LARGE1: variants seen among roughly 807,000 people sequenced by gnomAD.
LARGE1 encodes the protein LARGE xylosyl- and glucuronyltransferase 1.
LARGE1 carries 43 observed loss-of-function variants against 87.6 expected under a neutral mutation model. The observed-to-expected ratio is 0.49, with a 90% CI of 0.38 to 0.63. LARGE1 has a LOEUF of 0.63. Among genes scored for constraint, LARGE1 ranks in the 30% least tolerant of loss-of-function variants. The probability of loss-of-function intolerance (pLI) is 0.00; values close to 1 mark genes in which losing one functional copy is unlikely to be tolerated. For synonymous variants in LARGE1, 434 were observed against 394.6 expected (o/e 1.10, Z -1.18); for missense variants, 802 against 1,000.2 (o/e 0.80, Z 2.67).
intron 7 of LARGE1, among the ~76,000 whole-genome samples, chr22:33,421,145 C>T (rs977046321): frequency 3.9e-5 from 6 of 152,108 alleles, no homozygotes; most frequent in East Asian, 3.9e-4. Context: ...GCAGAGATCA[C>T]GCCACTGCAC....
chr22:33,257,561 A>T (rs1213339962), intron 11 of LARGE1, among the ~76,000 whole-genome samples: 1 of 152,140 alleles, frequency 6.6e-6, no homozygotes, highest in Admixed American at 6.5e-5. Context: ...GAGGAAGTAG[A>T]CCTCCCTAGG....
chr22:33,410,720 C>T (rs1480522203), intron 7 of LARGE1, among the ~76,000 whole-genome samples: 1 of 151,942 alleles, frequency 6.6e-6, no homozygotes, highest in African/African-American at 2.4e-5. Context: ...GCTCTACCAA[C>T]CACTCTCAAG....
At chr22:33,919,413 T>C (rs918813500) in intron 1 of LARGE1, among the ~76,000 whole-genome samples, 1 of 152,210 alleles carries the variant, frequency 6.6e-6, no homozygotes, top group Non-Finnish European at 1.5e-5. Flanking sequence ...AGCTATACAC[T>C]GATCACTCCT....
At position 33,583,984 on chromosome 22, in the gene LARGE1, C is replaced by A. The variant is rs182415349; in HGVS notation, c.616-18965G>T. Among the ~76,000 whole-genome samples the A allele has an allele frequency of 5.4e-3, 825 of 152,316 alleles. 10 individuals carry two copies. The highest frequency in any genetic ancestry group is 6.8e-3 in the Middle Eastern group (2 of 294). On this transcript the variant is annotated intron_variant, in intron 5 of 14. Coordinates refer to ENST00000397394, the MANE Select transcript of LARGE1 (RefSeq NM_133642.5). The stretch of plus-strand genomic sequence containing the variant: ...TTGGCCCAACTTTCCCCGCTGTGGG[C>A]ATCCTGACCAGTCCTGGATGTTAGT...
the LARGE1 span, among the ~76,000 whole-genome samples, chr22:33,131,696 A>G: frequency 6.6e-5 from 10 of 152,164 alleles, no homozygotes. Flanking sequence ...ACCCACCCCC[A>G]AGATTCAATT....
downstream of LARGE1, among the ~76,000 whole-genome samples, chr22:33,158,927 A>T (rs1921943192): frequency 1.3e-5 from 2 of 152,246 alleles, no homozygotes; most frequent in Admixed American, 1.3e-4. Context: ...AAACTGTGAC[A>T]TTCAAAAAGC....
intron 7 of LARGE1, among the ~76,000 whole-genome samples, chr22:33,395,404 C>T (rs2065705071): frequency 6.6e-6 from 1 of 152,146 alleles, no homozygotes; most frequent in Non-Finnish European, 1.5e-5. Context: ...CTTATGTCAA[C>T]TTTCCCTCCT....
At chr22:33,390,929 T>A (rs2065495842) in intron 7 of LARGE1, among the ~76,000 whole-genome samples, 1 of 152,152 alleles carries the variant, frequency 6.6e-6, no homozygotes, top group African/African-American at 2.4e-5. Context: ...ATTCCTGAAC[T>A]CAAGTGATCC....
chr22:33,295,276 G>A (rs1365550539), intron 12 of LARGE1, among the ~76,000 whole-genome samples: 1 of 152,194 alleles, frequency 6.6e-6, no homozygotes, highest in Admixed American at 6.5e-5. Context: ...AGCTAGTGAT[G>A]TGTGATGAGA....
intron 6 of LARGE1, among the ~76,000 whole-genome samples, chr22:33,460,317 C>A (rs1474913505): frequency 6.6e-6 from 1 of 152,104 alleles, no homozygotes; most frequent in African/African-American, 2.4e-5. Flanking sequence ...CATATAGGTA[C>A]CTGGTACCCA....
intron 1 of LARGE1, chr22:33,856,849 T>C (rs1423183224): frequency 6.6e-6 from 1 of 152,234 alleles, no homozygotes; most frequent in Non-Finnish European, 1.5e-5. Flanking sequence ...CAGATGAACC[T>C]GTCTGTCATT....
At chr22:33,426,003 C>T (rs571481628) in intron 7 of LARGE1, among the ~76,000 whole-genome samples, 1 of 152,262 alleles carries the variant, frequency 6.6e-6, no homozygotes, top group Non-Finnish European at 1.5e-5. Context: ...GCTTCGGCCT[C>T]CTAAAGTGCT....
downstream of LARGE1, among the ~76,000 whole-genome samples, chr22:33,161,705 G>A (rs1922030536): frequency 6.6e-6 from 1 of 152,190 alleles, no homozygotes; most frequent in Non-Finnish European, 1.5e-5. Flanking sequence ...GCAAGAGGTG[G>A]GCTTTCACAG....
intron 1 of LARGE1, among the ~76,000 whole-genome samples, chr22:33,820,228 A>G (rs1269637492): frequency 6.6e-6 from 1 of 152,196 alleles, no homozygotes; most frequent in African/African-American, 2.4e-5. Flanking sequence ...CCCCCATATA[A>G]GATCTGACAT....
intron 6 of LARGE1, among the ~76,000 whole-genome samples, chr22:33,554,666 T>C (rs193163102): frequency 6.6e-6 from 1 of 152,314 alleles, no homozygotes; most frequent in African/African-American, 2.4e-5. Flanking sequence ...CCAACTCTTT[T>C]TGAAAGTACT....
rs193149902 is a variant in LARGE1 at position 33,492,661 on chromosome 22, A to G, written c.788-60396T>C. ...AATTCCTAAGAGCCCTTGAGAACGA[A>G]TATACAGCCCAAATTAGCCTGCCAA... On this transcript the variant is annotated intron_variant, in intron 6 of 14. Transcript: ENST00000397394. 1.2e-3 allele frequency among the ~76,000 whole-genome samples: 185 copies of G among 152,282 alleles called. 1 individual carries two copies. The highest frequency in any genetic ancestry group is 4.1e-3 in the African/African-American group (169 of 41,560).
intron 2 of LARGE1, among the ~76,000 whole-genome samples, chr22:33,753,209 A>C (rs939451988): frequency 1.3e-5 from 2 of 151,514 alleles, no homozygotes; most frequent in African/African-American, 4.9e-5. Context: ...ATAGAGCAAG[A>C]CTCCATCACA....
At chr22:33,795,996 TAAAA>T (rs3072310) in intron 1 of LARGE1, among the ~76,000 whole-genome samples, 3 of 143,334 alleles carry the variant, frequency 2.1e-5, no homozygotes, top group Non-Finnish European at 4.6e-5. Context: ...CTTAAAGTAT[TAAAA>T]AAAAAAAAAA....
At chr22:33,265,470 G>A (rs1353492778) in intron 11 of LARGE1, among the ~76,000 whole-genome samples, 1 of 148,872 alleles carries the variant, frequency 6.7e-6, no homozygotes, top group African/African-American at 2.6e-5. Context: ...CGTTTTAACA[G>A]GTGTTAGAAT....
Sources: gnomAD v4.1 joint callset for allele counts (sites outside exome capture counted in the v4.1 genomes callset) on GRCh38, gnomAD v4.1.1 for gene constraint, MANE v1.5 for transcripts, NCBI Gene and HGNC (gene_info 2026-07-23, HGNC 2026-07-21) for gene names.